Variants in ARMC9 observed in about 807,000 individuals in gnomAD.
ARMC9 encodes the protein armadillo repeat containing 9.
In ARMC9, 94 loss-of-function variants were observed where a neutral mutation model predicts 107.0. The ratio of observed to expected loss-of-function variants is 0.88; its 90% CI spans 0.74 to 1.04. The LOEUF is 1.04. Among genes scored for constraint, ARMC9 ranks in the 50% least tolerant of loss-of-function variants. The pLI is 0.00. For missense variants in ARMC9, 942 were observed against 1,030.1 expected, an observed-to-expected ratio of 0.91 and a Z score of 1.17; for synonymous variants, 380 against 396.9, an observed-to-expected ratio of 0.96 and a Z score of 0.51.
At position 231,291,392 on chromosome 2, in the gene ARMC9, A is replaced by G. The variant is rs548980514; in HGVS notation, c.1666A>G (p.Asn556Asp). 3.7e-5 allele frequency: 59 copies of G among 1,613,770 alleles called. No homozygotes were observed. Among genetic ancestry groups the G allele is most frequent in the Non-Finnish European group, 4.7e-5 (56 of 1,179,866 alleles). The part of the protein sequence containing the change: ...DILRCFIKEG[N>D]AEMIRQIEFI... ...CCTACGCTGCTTCATCAAAGAAGGC[A>G]ATGCTGAAATGATCCGCCAGATAGA... The change falls in exon 18 of 25, where the codon AAT (asparagine) becomes GAT (aspartate). Residue 556 changes from asparagine (N) to aspartate (D), a missense_variant. Transcript: ENST00000611582.
At chr2:231,238,876 G>A (rs2036012982) in intron 8 of ARMC9, among the ~76,000 whole-genome samples, 2 of 152,336 alleles carry the variant, frequency 1.3e-5, no homozygotes, top group East Asian at 1.9e-4. Flanking sequence ...CAGATAGGCA[G>A]GAGGCCCAGG....
At position 231,374,348 on chromosome 2, in the gene ARMC9, T is replaced by G. The variant is rs2046130982; in HGVS notation, c.*2813T>G. On this transcript the variant is annotated 3_prime_UTR_variant, in exon 25 of 25. Coordinates refer to ENST00000611582, the MANE Select transcript of ARMC9 (RefSeq NM_001352754.2). ...AGGCTGAGCCGCCCCTCTGGTTACC[T>G]CACATCTTCTGGTTTCTTCTGAGTG... 6.6e-6 allele frequency: 1 copy of G among 152,156 alleles called. No individual in the cohort carries two copies. Among genetic ancestry groups the G allele is most frequent in the Non-Finnish European group, 1.5e-5 (1 of 68,050 alleles). The allele number at this position is 152,156 out of a possible 1,614,324, so 9.4% of individuals were successfully genotyped here.
chr2:231,274,112 A>G (rs958393341), intron 14 of ARMC9, among the ~76,000 whole-genome samples: 4 of 152,050 alleles, frequency 2.6e-5, no homozygotes, highest in African/African-American at 9.7e-5. Context: ...CATTATGGCT[A>G]CATCATATTG....
At chr2:231,309,520 G>A (rs997476281) in intron 19 of ARMC9, among the ~76,000 whole-genome samples, 4 of 151,868 alleles carry the variant, frequency 2.6e-5, no homozygotes, top group Non-Finnish European at 4.4e-5. Context: ...AAATAAATAC[G>A]TTTCTATCCA....
chr2:231,273,505 T>C (rs1410739120), intron 14 of ARMC9, among the ~76,000 whole-genome samples: 1 of 152,120 alleles, frequency 6.6e-6, no homozygotes, highest in African/African-American at 2.4e-5. Context: ...CCTCCTGACC[T>C]TGTCCATGAT....
At chr2:231,334,492 G>T (rs1428725362) in intron 20 of ARMC9, among the ~76,000 whole-genome samples, 1 of 152,162 alleles carries the variant, frequency 6.6e-6, no homozygotes, top group African/African-American at 2.4e-5. Flanking sequence ...CCCAGGATGA[G>T]TTCTTCCTCT....
chr2:231,360,672 CT>C lies in ARMC9; in HGVS notation c.2132-79del, dbSNP rs1314699845. On this transcript the variant is annotated intron_variant, in intron 22 of 24. Transcript: ENST00000611582. The surrounding 1 kb of genome is among the most constrained non-coding windows in gnomAD (Gnocchi z 4.7). The stretch of plus-strand genomic sequence containing the variant: ...GGCCTGGGGTGCGTGCTTTTCTTGG[CT>C]TTCCAACCCAGCCCACGAGAGGGCA... 1 of 1,534,386 alleles carries C rather than the reference CT, an allele frequency of 6.5e-7. No homozygotes were observed. Among genetic ancestry groups the C allele is most frequent in the Non-Finnish European group, 8.7e-7 (1 of 1,145,674 alleles).
At chr2:231,226,287 G>T (rs752061544) in intron 6 of ARMC9, among the ~76,000 whole-genome samples, 1 of 152,272 alleles carries the variant, frequency 6.6e-6, no homozygotes, top group Non-Finnish European at 1.5e-5. Context: ...CATGCAGCCA[G>T]ACGTGTGGGA....
At chr2:231,355,486 T>G (rs539795704) in intron 21 of ARMC9, among the ~76,000 whole-genome samples, 3 of 152,254 alleles carry the variant, frequency 2.0e-5, no homozygotes, top group Admixed American at 6.5e-5. Context: ...GTGCCTTACG[T>G]TGTTTGCTTG....
chr2:231,360,932 A>G lies in ARMC9; in HGVS notation c.2261+49A>G. On this transcript the variant is annotated intron_variant, in intron 23 of 24. Coordinates refer to ENST00000611582, the MANE Select transcript of ARMC9 (RefSeq NM_001352754.2). This position sits in a 1 kb window ranked among gnomAD's most constrained non-coding sequence, Gnocchi z 4.7. ...CGAACCTGACTCTCGGAGCTCTGGG[A>G]GTGGGCGCCCCACGCCGGATGCAGA... 1 of 1,470,124 alleles carries G rather than the reference A, an allele frequency of 6.8e-7. No individual in the cohort carries two copies. Among genetic ancestry groups the G allele is most frequent in the South Asian group, 1.4e-5 (1 of 71,894 alleles). The allele number at this position is 1,470,124 out of a possible 1,614,324, so 91.1% of individuals were successfully genotyped here. A position where few individuals can be genotyped will look rare whatever the true frequency, so the allele number is the denominator to read the frequency against.
Position 231,302,615 on chromosome 2 carries a change from G to C in ARMC9, c.1773+6362G>C, listed in dbSNP as rs553486875. The stretch of plus-strand genomic sequence containing the variant: ...GTGAAGTATTTTCAAAGCCTTTTCA[G>C]ATAGATATTTTTGCTCAATATTACT... On this transcript the variant is annotated intron_variant, in intron 19 of 24. Transcript: ENST00000611582. 2.0e-5 allele frequency among the ~76,000 whole-genome samples: 3 copies of C among 152,130 alleles called. No individual in the cohort carries two copies. In the South Asian group the frequency reaches 6.2e-4, roughly 32 times the overall value.
At position 231,273,097 on chromosome 2, in the gene ARMC9, G is replaced by A. The variant is rs768633769; in HGVS notation, c.1334+19G>A. On this transcript the variant is annotated intron_variant, in intron 14 of 24. Transcript: ENST00000611582. ...GTCTCAGGTAACGACTGTGCAATAG[G>A]TCACGGTGTCTCCTGTGAGATCAGA... 6.2e-7 allele frequency: 1 copy of A among 1,607,396 alleles called. No homozygotes were observed.
intron 21 of ARMC9, among the ~76,000 whole-genome samples, chr2:231,348,745 T>C (rs1198868984): frequency 2.0e-5 from 3 of 152,160 alleles, no homozygotes; most frequent in Admixed American, 6.5e-5. Flanking sequence ...GGAAAAAGTC[T>C]AATAGTTGGA....
intron 19 of ARMC9, among the ~76,000 whole-genome samples, chr2:231,298,837 G>A (rs1223901009): frequency 6.6e-6 from 1 of 152,054 alleles, no homozygotes; most frequent in Non-Finnish European, 1.5e-5. Context: ...GGGAAGCTGA[G>A]GCACGAGAAT....
In ARMC9 at chr2:231,261,817, A is replaced by G. The variant is rs538174451; in HGVS notation, c.1027-489A>G. Among the ~76,000 whole-genome samples, 510 of 148,834 alleles carry G rather than the reference A, an allele frequency of 3.4e-3. 7 individuals are homozygous for G. The highest frequency in any genetic ancestry group is 0.012 in the African/African-American group (489 of 40,730). ...GGCTCCCTGTGTCACCCATTAGGAC[A>G]TCACAGGTTCTTTTTTTTTTTTTGA... is the stretch of plus-strand genomic sequence containing the variant. On this transcript the variant is annotated intron_variant, in intron 11 of 24. Coordinates refer to ENST00000611582, the MANE Select transcript of ARMC9 (RefSeq NM_001352754.2).
At chr2:231,365,796 C>G (rs1053644002) in intron 23 of ARMC9, among the ~76,000 whole-genome samples, 2 of 151,988 alleles carry the variant, frequency 1.3e-5, no homozygotes, top group Admixed American at 6.5e-5. Context: ...CTTCATGTGT[C>G]GTTTCTTTTT....
Position 231,278,410 on chromosome 2 carries a change from C to T in ARMC9, c.1503C>T (p.Gly501=). The change falls in exon 16 of 25, where the codon GGC becomes GGT. Residue 501 remains glycine (G), a synonymous_variant. Coordinates refer to ENST00000611582, the MANE Select transcript of ARMC9 (RefSeq NM_001352754.2). ...AGAACATGTGTGCCAAGGTGGCAGG[C>T]CTCGTGCTCAAAGTCCTTTCGGATC... ...TGKNMCAKVA[G]LVLKVLSDLL... The T allele has an allele frequency of 1.2e-6, 2 of 1,614,120 alleles. No homozygotes were observed. Among genetic ancestry groups the T allele is most frequent in the Non-Finnish European group, 1.7e-6 (2 of 1,180,018 alleles).
At chr2:231,304,331 G>A (rs941423913) in intron 19 of ARMC9, among the ~76,000 whole-genome samples, 4 of 152,126 alleles carry the variant, frequency 2.6e-5, no homozygotes, top group Non-Finnish European at 5.9e-5. Context: ...ACCCATGCAG[G>A]ATTTTGTATT....
At chr2:231,329,904 T>C (rs1477905390) in intron 19 of ARMC9, among the ~76,000 whole-genome samples, 2 of 152,206 alleles carry the variant, frequency 1.3e-5, no homozygotes, top group African/African-American at 2.4e-5. Flanking sequence ...GGATAGTTTT[T>C]CTTCCTTTTC....
Sources: allele counts gnomAD v4.1 joint callset (sites outside exome capture counted in the v4.1 genomes callset), GRCh38; gene constraint gnomAD v4.1.1; non-coding constraint Gnocchi (gnomAD v3.1); transcripts MANE v1.5; gene names NCBI Gene and HGNC (gene_info 2026-07-23, HGNC 2026-07-21).